Variants in AKAP19 observed in about 807,000 individuals in gnomAD.
The protein encoded by AKAP19 is A-kinase anchoring protein 19.
At chr2:190,159,523 T>A in the AKAP19 span, among the ~76,000 whole-genome samples, 31 of 152,180 alleles carry the variant, frequency 2.0e-4, no homozygotes, top group Non-Finnish European at 4.4e-5. Flanking sequence ...TGCTAGAGTG[T>A]TGTGGTTCTG....
the AKAP19 span, among the ~76,000 whole-genome samples, chr2:190,068,106 C>T: frequency 6.6e-6 from 1 of 152,082 alleles, no homozygotes. Context: ...AAAAAACAAA[C>T]TAGACTCAAA....
At chr2:190,151,836 T>C in the AKAP19 span, among the ~76,000 whole-genome samples, 1 of 150,734 alleles carries the variant, frequency 6.6e-6, no homozygotes, top group Admixed American at 6.7e-5. Context: ...ATCTTATCTC[T>C]ACTAAAAATA....
At chr2:190,013,639 C>T in the AKAP19 span, among the ~76,000 whole-genome samples, 2 of 152,066 alleles carry the variant, frequency 1.3e-5, no homozygotes, top group East Asian at 3.9e-4. Context: ...CCTCAGCCTC[C>T]CAAGTAGCTG....
the AKAP19 span, among the ~76,000 whole-genome samples, chr2:190,040,153 G>A: frequency 1.3e-5 from 2 of 152,124 alleles, no homozygotes; most frequent in African/African-American, 4.8e-5. Flanking sequence ...GCGTATAAGT[G>A]TTCCTTTTTC....
the AKAP19 span, among the ~76,000 whole-genome samples, chr2:190,064,503 CA>C: frequency 0.016 from 2,422 of 152,060 alleles, 59 homozygotes; most frequent in African/African-American, 0.055. Flanking sequence ...TCAACTTTGC[CA>C]CTTCTAACTA....
the AKAP19 span, among the ~76,000 whole-genome samples, chr2:189,900,708 T>TG: frequency 6.6e-6 from 1 of 152,192 alleles, no homozygotes; most frequent in African/African-American, 2.4e-5. Flanking sequence ...GTCGACTCTC[T>TG]GGGGCCAATG....
the AKAP19 span, among the ~76,000 whole-genome samples, chr2:190,111,112 A>G: frequency 6.6e-6 from 1 of 152,160 alleles, no homozygotes; most frequent in Admixed American, 6.5e-5. Context: ...GAGCCCCCCC[A>G]GAGCACAGGG....
At chr2:190,125,573 G>A in the AKAP19 span, among the ~76,000 whole-genome samples, 1 of 152,066 alleles carries the variant, frequency 6.6e-6, no homozygotes, top group Non-Finnish European at 1.5e-5. Context: ...AATCAGTGCT[G>A]GAATAGTGAA....
the AKAP19 span, among the ~76,000 whole-genome samples, chr2:190,014,165 T>G: frequency 2.2e-4 from 34 of 152,232 alleles, no homozygotes; most frequent in South Asian, 4.1e-4. Flanking sequence ...TCCCTTTTAG[T>G]TACTTTTTTG....
At chr2:190,187,879 G>A in the AKAP19 span, among the ~76,000 whole-genome samples, 1 of 152,302 alleles carries the variant, frequency 6.6e-6, no homozygotes, top group African/African-American at 2.4e-5. Flanking sequence ...GGTAGCTGCA[G>A]TAAATCACAT....
chr2:189,928,502 T>C, the AKAP19 span, among the ~76,000 whole-genome samples: 1 of 152,294 alleles, frequency 6.6e-6, no homozygotes, highest in African/African-American at 2.4e-5. Flanking sequence ...CAACTTCAGT[T>C]GTTTCCTTCA....
chr2:190,158,222 G>A, the AKAP19 span, among the ~76,000 whole-genome samples: 10 of 152,194 alleles, frequency 6.6e-5, no homozygotes, highest in African/African-American at 2.4e-4. Flanking sequence ...GGGGAGCTCG[G>A]ATTTTAAGGC....
chr2:190,035,708 G>A, the AKAP19 span, among the ~76,000 whole-genome samples: 2 of 151,734 alleles, frequency 1.3e-5, no homozygotes, highest in Admixed American at 6.6e-5. Flanking sequence ...ATTCTTCCAC[G>A]TAAAGCTTTT....
chr2:189,910,609 T>TC, the AKAP19 span, among the ~76,000 whole-genome samples: 1 of 151,828 alleles, frequency 6.6e-6, no homozygotes, highest in African/African-American at 2.4e-5. Context: ...TTTCTCTCTC[T>TC]CCCCCCACCA....
At chr2:190,000,543 A>C in the AKAP19 span, among the ~76,000 whole-genome samples, 1 of 152,260 alleles carries the variant, frequency 6.6e-6, no homozygotes, top group Non-Finnish European at 1.5e-5. Context: ...AGGCCAATTC[A>C]AACTGAGGGG....
the AKAP19 span, among the ~76,000 whole-genome samples, chr2:190,132,603 C>T: frequency 6.6e-6 from 1 of 151,660 alleles, no homozygotes; most frequent in African/African-American, 2.4e-5. Context: ...AAATCAGACC[C>T]TTATATCACA....
chr2:189,968,201 G>T, the AKAP19 span, among the ~76,000 whole-genome samples: 3 of 152,242 alleles, frequency 2.0e-5, no homozygotes, highest in African/African-American at 7.2e-5. Flanking sequence ...GTTATAATAA[G>T]TGTGAACAGA....
the AKAP19 span, among the ~76,000 whole-genome samples, chr2:190,080,962 T>C: frequency 6.6e-6 from 1 of 152,142 alleles, no homozygotes; most frequent in South Asian, 2.1e-4. Context: ...GTCACTTTGA[T>C]CTTCACTAGG....
the AKAP19 span, among the ~76,000 whole-genome samples, chr2:189,947,325 T>C: frequency 1.8e-4 from 28 of 152,324 alleles, no homozygotes; most frequent in South Asian, 5.8e-3. Context: ...TATATGGCTA[T>C]TTTATATTTT....
Sources: allele counts gnomAD v4.1 joint callset (sites outside exome capture counted in the v4.1 genomes callset), GRCh38; gene constraint gnomAD v4.1.1; transcripts MANE v1.5; gene names NCBI Gene and HGNC (gene_info 2026-07-23, HGNC 2026-07-21).